The following PTPRZ1 variants were observed in gnomAD, a reference collection of about 807,000 sequenced individuals.
The protein encoded by PTPRZ1 is receptor-type tyrosine-protein phosphatase zeta.
In PTPRZ1, 82 loss-of-function variants were observed where a neutral mutation model predicts 214.1. That is an observed-to-expected ratio of 0.38 (90% confidence interval 0.32 to 0.46). PTPRZ1 has a LOEUF of 0.46. Among genes scored for constraint, PTPRZ1 ranks in the 20% least tolerant of loss-of-function variants. The pLI is 1.00. For missense variants in PTPRZ1, 2,603 were observed against 2,748.7 expected (o/e 0.95, Z 1.19); for synonymous variants, 945 against 987.9 (o/e 0.96, Z 0.81).
chr7:121,985,347 T>C (rs1015772910), intron 8 of PTPRZ1, among the ~76,000 whole-genome samples: 5 of 152,194 alleles, frequency 3.3e-5, no homozygotes, highest in Admixed American at 2.6e-4. Context: ...TAAATAAATA[T>C]GATTTTTTTG....
intron 21 of PTPRZ1, among the ~76,000 whole-genome samples, chr7:122,042,066 G>A (rs1170186426): frequency 6.6e-6 from 1 of 152,134 alleles, no homozygotes; most frequent in Non-Finnish European, 1.5e-5. Flanking sequence ...ATAGATAATG[G>A]CCCTTTAGAA....
intron 25 of PTPRZ1, 151 bp from the exon 26 acceptor site, chr7:122,053,759 G>T: frequency 1.1e-6 from 1 of 912,554 alleles, no homozygotes. Flanking sequence ...TGCCCAGTAA[G>T]CATTGGCTAT....
At chr7:121,991,635 GT>G (rs1797965300) in intron 8 of PTPRZ1, among the ~76,000 whole-genome samples, 2 of 152,126 alleles carry the variant, frequency 1.3e-5, no homozygotes, top group African/African-American at 4.8e-5. Flanking sequence ...CTGCACCTAT[GT>G]TTTAAAAAGT....
intron 1 of PTPRZ1, among the ~76,000 whole-genome samples, chr7:121,907,229 G>T (rs910304155): frequency 2.6e-5 from 4 of 152,016 alleles, no homozygotes; most frequent in Non-Finnish European, 1.5e-5. Context: ...TAAATATGTA[G>T]TGACAAGTCT....
Position 122,013,803 on chromosome 7 carries a change from A to G in PTPRZ1, c.4757A>G (p.Asp1586Gly). The change falls in exon 12 of 30, where the codon GAC becomes GGC. Residue 1586 changes from aspartate (D) to glycine (G), a missense_variant. This residue lies in a region of PTPRZ1 where 1,913 missense variants were observed against 1,914.3 expected (regional missense o/e 1.00). Transcript: ENST00000393386. ...KDADGILAAG[D>G]SEITPGFPQS... is the part of the protein sequence containing the mutation. ...GCTGATGGGATCCTGGCAGCAGGTG[A>G]CTCAGAAATAACTCCTGGATTCCCA... is the stretch of plus-strand genomic sequence containing the variant. 6.2e-7 allele frequency: 1 copy of G among 1,614,084 alleles called. No homozygotes were observed. The highest frequency in any genetic ancestry group is 8.5e-7 in the Non-Finnish European group (1 of 1,179,946).
intron 1 of PTPRZ1, among the ~76,000 whole-genome samples, chr7:121,900,830 C>T (rs544539596): frequency 6.6e-6 from 1 of 152,280 alleles, no homozygotes; most frequent in East Asian, 1.9e-4. Flanking sequence ...GAAATCTCTA[C>T]CTTCAAAGTC....
At chr7:121,960,137 C>A (rs1481029432) in intron 2 of PTPRZ1, among the ~76,000 whole-genome samples, 1 of 152,230 alleles carries the variant, frequency 6.6e-6, no homozygotes, top group Non-Finnish European at 1.5e-5. Flanking sequence ...CTCCCAGGTT[C>A]CAGGGATTCT....
chr7:122,055,732 T>C (rs1004527241), intron 27 of PTPRZ1, among the ~76,000 whole-genome samples: 5 of 151,918 alleles, frequency 3.3e-5, no homozygotes, highest in Admixed American at 2.0e-4. Context: ...ATTATTTACA[T>C]AGAACTATAG....
chr7:122,022,543 T>C (rs1187984097), intron 13 of PTPRZ1, among the ~76,000 whole-genome samples: 1 of 152,238 alleles, frequency 6.6e-6, no homozygotes, highest in East Asian at 1.9e-4. Flanking sequence ...TGTGTTTTTA[T>C]ATATTCTAGA....
intron 1 of PTPRZ1, among the ~76,000 whole-genome samples, chr7:121,880,795 A>G (rs1466666144): frequency 6.6e-6 from 1 of 152,066 alleles, no homozygotes; most frequent in Non-Finnish European, 1.5e-5. Context: ...ATTCTGACAC[A>G]TTTTCTTGAA....
chr7:122,026,784 C>T (rs1338417796), intron 13 of PTPRZ1, among the ~76,000 whole-genome samples: 2 of 152,130 alleles, frequency 1.3e-5, no homozygotes, highest in African/African-American at 2.4e-5. Flanking sequence ...TTGCTATGTA[C>T]GTCATTGCTT....
chr7:121,945,317 T>A (rs535838964), intron 2 of PTPRZ1, among the ~76,000 whole-genome samples: 1 of 152,234 alleles, frequency 6.6e-6, no homozygotes, highest in Non-Finnish European at 1.5e-5. Flanking sequence ...GTCTCATTCA[T>A]GAATATTGAG....
chr7:121,875,531 G>T (rs946021175), intron 1 of PTPRZ1, among the ~76,000 whole-genome samples: 1 of 152,080 alleles, frequency 6.6e-6, no homozygotes, highest in African/African-American at 2.4e-5. Flanking sequence ...TAAGTCTTTG[G>T]TGATGTAAAA....
chr7:121,922,479 C>T (rs1795628787), intron 1 of PTPRZ1, among the ~76,000 whole-genome samples: 1 of 152,086 alleles, frequency 6.6e-6, no homozygotes, highest in Admixed American at 6.6e-5. Flanking sequence ...ATTGCTTGAA[C>T]CCAGGGCGTA....
intron 1 of PTPRZ1, among the ~76,000 whole-genome samples, chr7:121,913,387 A>G (rs1795333613): frequency 1.3e-5 from 2 of 152,218 alleles, no homozygotes; most frequent in African/African-American, 4.8e-5. Context: ...CACAAAGAAC[A>G]TTATCACTTT....
chr7:122,059,735 C>CA lies in PTPRZ1; in HGVS notation c.6672-18_6672-17insA. ...TCTCAATGGAGTCTTTGTTCCTTTT[C>CA]TTTTTTTTTTTTACAAGGCATGGAG... On this transcript the variant is annotated splice_polypyrimidine_tract_variant and intron_variant, in intron 28 of 29. Transcript: ENST00000393386. 7.8e-7 allele frequency: 1 copy of CA among 1,277,730 alleles called. No homozygotes were observed. Among genetic ancestry groups the CA allele is most frequent in the Non-Finnish European group, 1.1e-6 (1 of 931,498 alleles). The allele number at this position is 1,277,730 out of a possible 1,614,324, so 79.1% of individuals were successfully genotyped here. A position where few individuals can be genotyped will look rare whatever the true frequency, so the allele number is the denominator to read the frequency against.
chr7:121,879,762 C>T (rs1347330009), intron 1 of PTPRZ1, among the ~76,000 whole-genome samples: 2 of 151,674 alleles, frequency 1.3e-5, no homozygotes, highest in Non-Finnish European at 2.9e-5. Context: ...TCTCAACTAC[C>T]TTCCTCCCTT....
intron 1 of PTPRZ1, among the ~76,000 whole-genome samples, chr7:121,907,059 C>T (rs1795136852): frequency 6.6e-6 from 1 of 151,958 alleles, no homozygotes; most frequent in African/African-American, 2.4e-5. Flanking sequence ...TATTTTATCT[C>T]TATTTGTTAT....
chr7:121,873,658 A>G (rs1284588818), intron 1 of PTPRZ1, 101 bp downstream of exon 1: 55 of 1,420,734 alleles, frequency 3.9e-5, no homozygotes, highest in Non-Finnish European at 5.4e-5. Flanking sequence ...GCCGCCATCT[A>G]GCCAGGAGGA....
Sources: allele counts gnomAD v4.1 joint callset (sites outside exome capture counted in the v4.1 genomes callset), GRCh38; gene constraint gnomAD v4.1.1; regional missense constraint gnomAD v4.1.1; transcripts MANE v1.5; gene names NCBI Gene and HGNC (gene_info 2026-07-23, HGNC 2026-07-21).